The following CPLANE1 variants were observed in gnomAD, a reference collection of about 807,000 sequenced individuals.
The protein encoded by CPLANE1 is ciliogenesis and planar polarity effector 1.
Under a neutral mutation model 362.5 loss-of-function variants are expected in CPLANE1, and 263 were observed. The ratio of observed to expected loss-of-function variants is 0.73; its 90% confidence interval spans 0.66 to 0.80. The LOEUF (loss-of-function observed/expected upper bound fraction) is 0.80, where lower values mean the gene tolerates loss of function less well. CPLANE1 is among the 30% of genes least tolerant of loss of function. The pLI is 0.00. For synonymous variants in CPLANE1, 1,212 were observed against 1,302.6 expected (o/e 0.93, Z 1.50); for missense variants, 3,461 against 3,793.4 (o/e 0.91, Z 2.30).
chr5:37,149,953 C>A (rs1773014706), intron 42 of CPLANE1, among the ~76,000 whole-genome samples: 1 of 152,094 alleles, frequency 6.6e-6, no homozygotes, highest in African/African-American at 2.4e-5. Flanking sequence ...AACCATTGAA[C>A]AAATATTTAT....
At chr5:37,143,707 G>A (rs1770502168) in intron 43 of CPLANE1, among the ~76,000 whole-genome samples, 1 of 152,156 alleles carries the variant, frequency 6.6e-6, no homozygotes, top group Non-Finnish European at 1.5e-5. Flanking sequence ...GCCAAGGTGG[G>A]CTGATCACCT....
intron 47 of CPLANE1, among the ~76,000 whole-genome samples, chr5:37,123,985 G>A (rs1763446410): frequency 7.1e-6 from 1 of 140,392 alleles, no homozygotes; most frequent in African/African-American, 2.8e-5. Context: ...AAACACACAT[G>A]CACACACTTT....
intron 39 of CPLANE1, 63 bp from the exon 40 acceptor site, chr5:37,157,931 CCAAAA>C: frequency 1.5e-5 from 2 of 137,394 alleles, no homozygotes; most frequent in African/African-American, 6.1e-5. Context: ...GGTCACTCCG[CCAAAA>C]AAAAAAAAAA....
chr5:37,145,283 G>C lies in CPLANE1; in HGVS notation c.8462-2803C>G, dbSNP rs538157020. Among the ~76,000 whole-genome samples the C allele has an allele frequency of 8.7e-4, 132 of 152,208 alleles. 1 individual carries two copies. Among genetic ancestry groups the C allele is most frequent in the Non-Finnish European group, 1.6e-4 (11 of 68,024 alleles). On this transcript the variant is annotated intron_variant, in intron 43 of 52. Coordinates refer to ENST00000651892, the MANE Select transcript of CPLANE1 (RefSeq NM_001384732.1). ...TCACACCACTGCACTCTCCAGACTG[G>C]GCCACAGTGTGAGACTCCATCTCAA...
intron 16 of CPLANE1, among the ~76,000 whole-genome samples, chr5:37,213,353 A>T (rs1793159076): frequency 6.6e-6 from 1 of 152,208 alleles, no homozygotes. Flanking sequence ...CAATTTTGTG[A>T]TTTTAAAAAG....
intron 8 of CPLANE1, among the ~76,000 whole-genome samples, chr5:37,236,884 A>C (rs893584947): frequency 7.9e-5 from 12 of 152,202 alleles, no homozygotes; most frequent in African/African-American, 2.7e-4. Context: ...ACCAGTCAGA[A>C]TGGCTATTAC....
At chr5:37,244,325 A>G (rs1201637649) in intron 5 of CPLANE1, 50 bp downstream of exon 5, 12 of 1,249,294 alleles carry the variant, frequency 9.6e-6, no homozygotes, top group Non-Finnish European at 1.3e-5. Flanking sequence ...TTATACCATT[A>G]CACACTCTGC....
At position 37,106,547 on chromosome 5, in the gene CPLANE1, T is replaced by C. The variant is rs1757670717; in HGVS notation, c.*1055A>G. The C allele has an allele frequency of 2.3e-6, 1 of 429,528 alleles. No individual in the cohort carries two copies. Among genetic ancestry groups the C allele is most frequent in the South Asian group, 9.9e-5 (1 of 10,062 alleles). The allele number at this position is 429,528 out of a possible 1,614,324, so 26.6% of individuals were successfully genotyped here. ...TAAAATATTTTAAATGACAAAACAA[T>C]TAAATGACAATTAACAATAATGTTA... On this transcript the variant is annotated 3_prime_UTR_variant, in exon 53 of 53. Transcript: ENST00000651892.
chr5:37,146,328 G>A (rs537283971), intron 43 of CPLANE1, among the ~76,000 whole-genome samples: 5 of 152,108 alleles, frequency 3.3e-5, no homozygotes, highest in Admixed American at 6.5e-5. Context: ...ACAGGCACCC[G>A]CCACCACACC....
chr5:37,247,563 A>C, intron 2 of CPLANE1, 55 bp downstream of exon 2: 2 of 1,456,132 alleles, frequency 1.4e-6, no homozygotes, highest in South Asian at 2.6e-5. Context: ...ATTACAGGCA[A>C]AACACACATA....
intron 15 of CPLANE1, among the ~76,000 whole-genome samples, chr5:37,214,099 TA>T (rs1793369955): frequency 2.0e-5 from 3 of 152,126 alleles, no homozygotes. Flanking sequence ...GTCATCAATA[TA>T]AAAAATATAT....
chr5:37,243,128 A>G lies in CPLANE1; in HGVS notation c.571-9T>C. ...CAGCAGTCTCCAAATAACTGTAGAT[A>G]AATTTAATATACTTTAGTATAAAAT... On this transcript the variant is annotated splice_polypyrimidine_tract_variant and intron_variant, in intron 5 of 52. Transcript: ENST00000651892. 7.0e-7 allele frequency: 1 copy of G among 1,425,702 alleles called. No individual in the cohort carries two copies. Among genetic ancestry groups the G allele is most frequent in the South Asian group, 1.3e-5 (1 of 76,684 alleles). 88.3% of individuals were successfully genotyped at this position (1,425,702 alleles called of 1,614,324 possible).
At chr5:37,151,813 C>T (rs935949795) in intron 42 of CPLANE1, among the ~76,000 whole-genome samples, 2 of 151,846 alleles carry the variant, frequency 1.3e-5, no homozygotes, top group African/African-American at 4.8e-5. Context: ...CTTTGGGAGG[C>T]TGAGGTGGGA....
At chr5:37,170,357 A>G (rs751505993) in intron 32 of CPLANE1, 26 bp from the exon 33 acceptor site, 50 of 1,578,402 alleles carry the variant, frequency 3.2e-5, no homozygotes, top group Non-Finnish European at 4.0e-5. Context: ...AATTGAAGCG[A>G]TATCTTAAAA....
chr5:37,139,463 TTAAAA>T (rs1768986419), intron 44 of CPLANE1, 93 bp from the exon 45 acceptor site: 3 of 1,092,786 alleles, frequency 2.7e-6, no homozygotes, highest in Non-Finnish European at 2.4e-6. Context: ...AGAAATTAAA[TTAAAA>T]TACTTTTAAA....
At chr5:37,182,538 A>T (rs573163521) in intron 26 of CPLANE1, among the ~76,000 whole-genome samples, 65 of 152,308 alleles carry the variant, frequency 4.3e-4, no homozygotes, top group African/African-American at 1.3e-3. Context: ...TTTTTTATAA[A>T]TACACATAAA....
At chr5:37,239,912 CT>C in intron 6 of CPLANE1, 43 bp from the exon 7 acceptor site, 2 of 1,351,018 alleles carry the variant, frequency 1.5e-6, no homozygotes, top group African/African-American at 2.9e-5. Context: ...GGTATAGTAA[CT>C]TTTAAATTTA....
In CPLANE1 at chr5:37,206,272, A is replaced by C; in HGVS notation, c.3074T>G (p.Leu1025Arg). Residue 1025 changes from leucine (L) to arginine (R), a missense_variant, in exon 17 of 53, where the codon CTT becomes CGT. By Grantham distance (102) the Leu-to-Arg change is moderately radical. This residue lies in a region of CPLANE1 where 3,380 missense variants were observed against 3,666.1 expected (regional missense o/e 0.92). Transcript: ENST00000651892. ...VPEAVWLAYK[L>R]GDWKTSVSIG... Reference sequence around the variant, plus strand: ...TGAAACAGACGTCTTCCAGTCTCCAAGTTTATATGCCAACCACACAGCCTC... The same window carrying C: ...TGAAACAGACGTCTTCCAGTCTCCACGTTTATATGCCAACCACACAGCCTC... The C allele has an allele frequency of 6.4e-7, 1 of 1,551,774 alleles. No homozygotes were observed. The highest frequency in any genetic ancestry group is 8.7e-7 in the Non-Finnish European group (1 of 1,147,012).
At chr5:37,222,555 T>C (rs1795584370) in intron 14 of CPLANE1, among the ~76,000 whole-genome samples, 1 of 152,240 alleles carries the variant, frequency 6.6e-6, no homozygotes, top group Non-Finnish European at 1.5e-5. Flanking sequence ...AAGCCACTGC[T>C]ACTTTCAATC....
Sources: allele counts gnomAD v4.1 joint callset (sites outside exome capture counted in the v4.1 genomes callset), GRCh38; gene constraint gnomAD v4.1.1; regional missense constraint gnomAD v4.1.1; transcripts MANE v1.5; gene names NCBI Gene and HGNC (gene_info 2026-07-23, HGNC 2026-07-21).